AACS: variants seen among roughly 807,000 people sequenced by gnomAD.
The protein encoded by AACS is acetoacetate-CoA ligase.
AACS carries 69 observed loss-of-function variants against 83.1 expected under a neutral mutation model. That is an observed-to-expected ratio of 0.83 (90% CI 0.68 to 1.01). The LOEUF (loss-of-function observed/expected upper bound fraction) is 1.01. Ranked by LOEUF, AACS falls within the 50% of genes least tolerant of loss-of-function variation. The probability of loss-of-function intolerance (pLI) is 0.00; values close to 1 mark genes in which losing one functional copy is unlikely to be tolerated. For synonymous variants in AACS, 333 were observed against 343.4 expected (o/e 0.97, Z 0.33); for missense variants, 866 against 882.2 (o/e 0.98, Z 0.23).
chr12:125,129,449 C>G lies in AACS; in HGVS notation c.1538C>G (p.Ser513Cys), dbSNP rs1593005145. ...AACAAGTACAGGAAGGCGTATTTCTCCAAATTCCCAGGTCGGTTGGAGAGA... is the reference window on the plus strand; with the variant it reads ...AACAAGTACAGGAAGGCGTATTTCTGCAAATTCCCAGGTCGGTTGGAGAGA... The part of the protein sequence containing the change: ...NGNKYRKAYF[S>C]KFPGIWAHGD... Residue 513 changes from serine (S) to cysteine (C), a missense_variant, in exon 14 of 18, where the codon TCC (serine) becomes TGC (cysteine). Ser to Cys is a moderately radical substitution (Grantham distance 112). Transcript: ENST00000316519. This position sits in a 1 kb window ranked among gnomAD's most constrained non-coding sequence, Gnocchi z 4.3. 1.2e-6 allele frequency: 2 copies of G among 1,613,466 alleles called. No homozygotes were observed. The highest frequency in any genetic ancestry group is 1.7e-5 in the Admixed American group (1 of 59,916).
At chr12:125,102,913 G>A in intron 6 of AACS, 87 bp from the exon 7 acceptor site, 1 of 1,451,630 alleles carries the variant, frequency 6.9e-7, no homozygotes, top group East Asian at 2.3e-5. Context: ...CTCTGCCCCA[G>A]ATTGTGTTAT....
chr12:125,067,733 C>T (rs925831838), intron 1 of AACS, among the ~76,000 whole-genome samples: 5 of 152,082 alleles, frequency 3.3e-5, no homozygotes, highest in African/African-American at 1.2e-4. Context: ...GGGGTTTCAC[C>T]ATGTAGGCCA....
In AACS at chr12:125,065,697, C is replaced by T; in HGVS notation, c.113C>T (p.Ala38Val). Residue 38 changes from alanine (A) to valine (V), a missense_variant, in exon 1 of 18, where the codon GCC (alanine) becomes GTC (valine). Coordinates refer to ENST00000316519, the MANE Select transcript of AACS (RefSeq NM_023928.5). ...GACCGCTTCCGGGCGGCTGTGGGCG[C>T]CGCCTGCGGCCTGGCGCTGGGTGAG... ...QMDRFRAAVG[A>V]ACGLALESYD... The T allele has an allele frequency of 6.5e-7, 1 of 1,539,784 alleles. No homozygotes were observed.
chr12:125,105,426 C>T (rs1956812813), intron 7 of AACS: 1 of 152,188 alleles, frequency 6.6e-6, no homozygotes, highest in Admixed American at 6.5e-5. Context: ...AAATTATAAC[C>T]AGGTGCCAGA....
intron 3 of AACS, among the ~76,000 whole-genome samples, chr12:125,083,016 C>T (rs866445328): frequency 2.0e-5 from 3 of 152,228 alleles, no homozygotes; most frequent in African/African-American, 7.2e-5. Flanking sequence ...AGTTATCTTT[C>T]CATGTCATAG....
intron 5 of AACS, 77 bp downstream of exon 5, chr12:125,091,600 C>G: frequency 2.1e-6 from 3 of 1,459,634 alleles, no homozygotes. Flanking sequence ...GGGCTGAATT[C>G]CCAGGGGAGC....
At chr12:125,087,132 C>T (rs1383693389) in intron 4 of AACS, among the ~76,000 whole-genome samples, 3 of 152,114 alleles carry the variant, frequency 2.0e-5, no homozygotes, top group African/African-American at 4.8e-5. Context: ...CCTAGAGTTT[C>T]CTGAGGTGCT....
rs570869526 is a variant in AACS at position 125,098,557 on chromosome 12, T to C, written c.571-4122T>C. Among the ~76,000 whole-genome samples, 10 of 152,078 alleles carry C rather than the reference T, an allele frequency of 6.6e-5. No individual in the cohort carries two copies. In the South Asian group the frequency reaches 1.7e-3, roughly 25 times the overall value. Reference sequence around the variant, plus strand: ...ACCTCTGCCTCCCAGGTTCAAGTCATTCTCCTGCCTCAGCCTTCCAAGTAG... The same window carrying C: ...ACCTCTGCCTCCCAGGTTCAAGTCACTCTCCTGCCTCAGCCTTCCAAGTAG... On this transcript the variant is annotated intron_variant, in intron 5 of 17. Transcript: ENST00000316519.
intron 2 of AACS, 88 bp downstream of exon 2, chr12:125,074,067 C>G: frequency 9.3e-7 from 1 of 1,076,906 alleles, no homozygotes; most frequent in East Asian, 2.4e-5. Flanking sequence ...TGAATTGTAT[C>G]TCCTTTTTAC....
chr12:125,130,405 A>G lies in AACS; in HGVS notation c.1549+945A>G, dbSNP rs1189229626. Among the ~76,000 whole-genome samples the G allele has an allele frequency of 6.6e-6, 1 of 152,276 alleles. No homozygotes were observed. Among genetic ancestry groups the G allele is most frequent in the Non-Finnish European group, 1.5e-5 (1 of 68,044 alleles). On this transcript the variant is annotated intron_variant, in intron 14 of 17. Transcript: ENST00000316519. The surrounding 1 kb of genome is among the most constrained non-coding windows in gnomAD (Gnocchi z 4.9). ...AGCAGCTGTGCAGACAGACGAATGC[A>G]GAAAAGCAAGAGTGGATGTAGAGAA...
At chr12:125,088,985 C>T (rs550053357) in intron 4 of AACS, among the ~76,000 whole-genome samples, 5 of 152,278 alleles carry the variant, frequency 3.3e-5, no homozygotes, top group South Asian at 4.1e-4. Context: ...CGCCTAGCTC[C>T]GTTTTCCTTT....
intron 4 of AACS, among the ~76,000 whole-genome samples, chr12:125,087,954 G>A (rs1158126992): frequency 2.6e-5 from 4 of 152,144 alleles, no homozygotes; most frequent in Non-Finnish European, 5.9e-5. Flanking sequence ...CTGGCTTGTC[G>A]GGGTTGCCTC....
rs753261331 is a variant in AACS, at chr12:125,086,434, C to G, written c.463C>G (p.Arg155Gly). The G allele has an allele frequency of 1.2e-6, 2 of 1,613,962 alleles. No individual in the cohort carries two copies. The highest frequency in any genetic ancestry group is 1.3e-5 in the African/African-American group (1 of 74,958). ...MRKMGVKKGD[R>G]VVGYLPNSEH... ...GAAAATGGGTGTGAAGAAAGGAGAT[C>G]GGGTTGTTGGTAAGTATTTTGGGTG... Residue 155 changes from arginine (R) to glycine (G), a missense_variant, in exon 4 of 18, where the codon CGG (arginine) becomes GGG (glycine). Coordinates refer to ENST00000316519, the MANE Select transcript of AACS (RefSeq NM_023928.5).
intron 12 of AACS, chr12:125,125,664 A>G (rs1232885690): frequency 1.3e-5 from 2 of 152,414 alleles, no homozygotes; most frequent in African/African-American, 4.8e-5. Flanking sequence ...TGGAAGGACA[A>G]ATATTGCCAC....
intron 10 of AACS, 127 bp from the exon 11 acceptor site, chr12:125,124,578 T>C: frequency 9.3e-7 from 1 of 1,075,166 alleles, no homozygotes. Context: ...GAAGTATGAG[T>C]TCAACCCAGA....
At chr12:125,136,402 C>A (rs550416990) in intron 16 of AACS, among the ~76,000 whole-genome samples, 1 of 152,244 alleles carries the variant, frequency 6.6e-6, no homozygotes, top group South Asian at 2.1e-4. Context: ...CACCTGGCTT[C>A]CTGGTAGAAC....
rs1419574982 is a variant in AACS, at chr12:125,094,948, C to T, written c.570+3425C>T. Among the ~76,000 whole-genome samples, 2 of 151,754 alleles carry T rather than the reference C, an allele frequency of 1.3e-5. No homozygotes were observed. The highest frequency in any genetic ancestry group is 2.4e-5 in the African/African-American group (1 of 41,234). On this transcript the variant is annotated intron_variant, in intron 5 of 17. Transcript: ENST00000316519. This position sits in a 1 kb window ranked among gnomAD's most constrained non-coding sequence, Gnocchi z 4.1. ...GAGAGCCCAGCCTGTAGCCTGCAGG[C>T]CTTGTCCTCCTGAAGTGCCATCAGG...
chr12:125,088,037 T>C (rs1956379296), intron 4 of AACS, among the ~76,000 whole-genome samples: 1 of 152,114 alleles, frequency 6.6e-6, no homozygotes, highest in Non-Finnish European at 1.5e-5. Flanking sequence ...ATCATAGTCC[T>C]CATGGCTCAC....
chr12:125,090,361 C>T (rs1288580337), intron 4 of AACS, among the ~76,000 whole-genome samples: 1 of 150,958 alleles, frequency 6.6e-6, no homozygotes, highest in African/African-American at 2.4e-5. Flanking sequence ...ATTTATCCGT[C>T]ATCCATCTAT....
Sources: gnomAD v4.1 joint callset for allele counts (sites outside exome capture counted in the v4.1 genomes callset) on GRCh38, gnomAD v4.1.1 for gene constraint, Gnocchi (gnomAD v3.1) non-coding constraint, MANE v1.5 for transcripts, NCBI Gene and HGNC (gene_info 2026-07-23, HGNC 2026-07-21) for gene names.